Variants in DOCK3 observed in about 807,000 individuals in gnomAD.
DOCK3 encodes the protein dedicator of cytokinesis 3.
Under a neutral mutation model 265.6 loss-of-function variants are expected in DOCK3, and 60 were observed. That is an observed-to-expected ratio of 0.23 (90% CI 0.18 to 0.28). The LOEUF (loss-of-function observed/expected upper bound fraction) is 0.28, where lower values mean the gene tolerates loss of function less well. Among genes scored for constraint, DOCK3 ranks in the 10% least tolerant of loss-of-function variants. DOCK3 has a pLI of 1.00. For synonymous variants in DOCK3, 881 were observed against 938.0 expected (o/e 0.94, Z 1.11); for missense variants, 1,981 against 2,594.3 (o/e 0.76, Z 5.14).
At chr3:50,956,047 T>G (rs1352345875) in intron 5 of DOCK3, among the ~76,000 whole-genome samples, 2 of 151,552 alleles carry the variant, frequency 1.3e-5, no homozygotes, top group Non-Finnish European at 2.9e-5. Flanking sequence ...CTGCTTCTTA[T>G]TTTCTGTGTG....
In DOCK3 at chr3:51,317,441, G is replaced by A. The variant is rs188698313; in HGVS notation, c.3402+2313G>A. ...TGTATTGTACAAAAATTAGCCAGGC[G>A]TGGTGCCACGTGCCTGTAGTCCCAG... is the stretch of plus-strand genomic sequence containing the variant. On this transcript the variant is annotated intron_variant, in intron 32 of 52. Coordinates refer to ENST00000266037, the MANE Select transcript of DOCK3 (RefSeq NM_004947.5). Among the ~76,000 whole-genome samples the A allele has an allele frequency of 8.6e-5, 13 of 151,228 alleles. No individual in the cohort carries two copies. In the East Asian group the frequency reaches 1.7e-3, roughly 20 times the overall value.
At chr3:50,888,410 C>A (rs924309048) in intron 3 of DOCK3, among the ~76,000 whole-genome samples, 16 of 152,134 alleles carry the variant, frequency 1.1e-4, no homozygotes, top group South Asian at 4.1e-4. Context: ...AGGAAGAATG[C>A]ATATCGTGAA....
At chr3:50,965,831 A>G (rs1329183485) in intron 5 of DOCK3, among the ~76,000 whole-genome samples, 3 of 152,178 alleles carry the variant, frequency 2.0e-5, no homozygotes, top group South Asian at 4.1e-4. Flanking sequence ...AAGATTGTAT[A>G]TATTAAAGGT....
intron 27 of DOCK3, among the ~76,000 whole-genome samples, chr3:51,305,318 G>T (rs2082593535): frequency 1.3e-5 from 2 of 151,914 alleles, no homozygotes; most frequent in South Asian, 2.1e-4. Flanking sequence ...ATCCTTCTTT[G>T]TCTCTAACAA....
chr3:51,271,449 C>T (rs1396380039), intron 24 of DOCK3, among the ~76,000 whole-genome samples: 1 of 152,150 alleles, frequency 6.6e-6, no homozygotes, highest in Non-Finnish European at 1.5e-5. Flanking sequence ...GGCAAGGCAG[C>T]TCTCTGGGGT....
chr3:50,727,113 T>C (rs890528745), intron 1 of DOCK3, among the ~76,000 whole-genome samples: 2 of 152,002 alleles, frequency 1.3e-5, no homozygotes, highest in South Asian at 2.1e-4. Context: ...AAAACAAATA[T>C]CAAGATTGTA....
At chr3:50,798,505 G>T (rs1189860025) in intron 2 of DOCK3, among the ~76,000 whole-genome samples, 1 of 152,184 alleles carries the variant, frequency 6.6e-6, no homozygotes, top group East Asian at 1.9e-4. Flanking sequence ...CAGTGTCCTG[G>T]GGGAAGCAGA....
At chr3:50,819,043 G>T (rs2044253972) in intron 2 of DOCK3, among the ~76,000 whole-genome samples, 1 of 152,122 alleles carries the variant, frequency 6.6e-6, no homozygotes, top group African/African-American at 2.4e-5. Context: ...AATGCTTTGT[G>T]CTGGAAGACT....
At chr3:50,722,784 T>TTTC (rs397817697) in intron 1 of DOCK3, among the ~76,000 whole-genome samples, 1 of 150,022 alleles carries the variant, frequency 6.7e-6, no homozygotes, top group Admixed American at 6.6e-5. Flanking sequence ...TTTTTTTTTT[T>TTTC]CTCTTGAGAC....
intron 40 of DOCK3, among the ~76,000 whole-genome samples, chr3:51,352,442 C>A (rs1182857157): frequency 6.6e-6 from 1 of 152,178 alleles, no homozygotes; most frequent in African/African-American, 2.4e-5. Context: ...GTTGTTGGAG[C>A]TTTCTGACAG....
intron 21 of DOCK3, among the ~76,000 whole-genome samples, chr3:51,241,404 A>G (rs1432518778): frequency 6.6e-6 from 1 of 152,014 alleles, no homozygotes; most frequent in African/African-American, 2.4e-5. Context: ...TGTCTTGGAG[A>G]TGATCTTCTT....
chr3:51,272,076 A>G (rs2080532098), intron 24 of DOCK3, among the ~76,000 whole-genome samples: 3 of 152,194 alleles, frequency 2.0e-5, no homozygotes, highest in Non-Finnish European at 2.9e-5. Context: ...ATTCCTGAAG[A>G]CACATCATAT....
intron 40 of DOCK3, among the ~76,000 whole-genome samples, chr3:51,351,375 TA>T (rs2085965057): frequency 6.6e-6 from 1 of 152,166 alleles, no homozygotes; most frequent in Admixed American, 6.5e-5. Flanking sequence ...ACAAGCTTGT[TA>T]TCACATCAAA....
chr3:51,223,351 A>G (rs1046183670), intron 14 of DOCK3, among the ~76,000 whole-genome samples: 1 of 152,190 alleles, frequency 6.6e-6, no homozygotes, highest in African/African-American at 2.4e-5. Context: ...CACAGAAACT[A>G]AAAACGTTTG....
intron 9 of DOCK3, among the ~76,000 whole-genome samples, chr3:51,112,930 A>G (rs2083580813): frequency 6.6e-6 from 1 of 152,210 alleles, no homozygotes; most frequent in Admixed American, 6.5e-5. Flanking sequence ...TACATCTAAA[A>G]GGTATTAAGA....
intron 21 of DOCK3, among the ~76,000 whole-genome samples, chr3:51,244,866 C>A (rs565538344): frequency 1.3e-5 from 2 of 152,280 alleles, no homozygotes; most frequent in East Asian, 1.9e-4. Context: ...TATACTTCTA[C>A]TTCTAGGAAA....
At chr3:51,034,107 G>A (rs912455935) in intron 5 of DOCK3, among the ~76,000 whole-genome samples, 2 of 152,006 alleles carry the variant, frequency 1.3e-5, no homozygotes, top group Non-Finnish European at 2.9e-5. Flanking sequence ...TTATTTTGGT[G>A]CAAAAAATTT....
intron 2 of DOCK3, among the ~76,000 whole-genome samples, chr3:50,839,227 A>G (rs1328713745): frequency 6.6e-6 from 1 of 152,192 alleles, no homozygotes; most frequent in Non-Finnish European, 1.5e-5. Context: ...TTATTCACTC[A>G]TCTGCTGAAG....
intron 1 of DOCK3, among the ~76,000 whole-genome samples, chr3:50,678,409 A>G (rs925910921): frequency 2.0e-5 from 3 of 152,204 alleles, no homozygotes; most frequent in Non-Finnish European, 2.9e-5. Flanking sequence ...TACTGACTGT[A>G]CCCAGAGTAC....
Sources: allele counts gnomAD v4.1 joint callset (sites outside exome capture counted in the v4.1 genomes callset), GRCh38; gene constraint gnomAD v4.1.1; transcripts MANE v1.5; gene names NCBI Gene and HGNC (gene_info 2026-07-23, HGNC 2026-07-21).